AFF3: variants seen among roughly 807,000 people sequenced by gnomAD.
AFF3 encodes ALF transcription elongation factor 3.
Under a neutral mutation model 129.7 loss-of-function variants are expected in AFF3, and 32 were observed. The observed-to-expected ratio is 0.25, with a 90% CI of 0.19 to 0.33. The LOEUF (loss-of-function observed/expected upper bound fraction) is 0.33. AFF3 is among the 10% of genes least tolerant of loss of function. The pLI, the probability that AFF3 is intolerant of heterozygous loss-of-function variation, is 1.00. For missense variants in AFF3, 1,373 were observed against 1,592.0 expected, an observed-to-expected ratio of 0.86 and a Z score of 2.34; for synonymous variants, 644 against 635.4, an observed-to-expected ratio of 1.01 and a Z score of -0.20.
chr2:100,141,456 T>A (rs1692869187), intron 1 of AFF3, among the ~76,000 whole-genome samples: 1 of 152,236 alleles, frequency 6.6e-6, no homozygotes, highest in Non-Finnish European at 1.5e-5. Context: ...TAGAACATTC[T>A]TAAATTTTGC....
chr2:99,714,382 G>A (rs940280423), intron 11 of AFF3, among the ~76,000 whole-genome samples: 5 of 152,166 alleles, frequency 3.3e-5, no homozygotes, highest in African/African-American at 7.2e-5. Flanking sequence ...AACTTGAAGA[G>A]GCCCTTTCTA....
intron 4 of AFF3, among the ~76,000 whole-genome samples, chr2:100,032,140 A>G (rs1684541676): frequency 6.6e-6 from 1 of 152,154 alleles, no homozygotes; most frequent in Non-Finnish European, 1.5e-5. Context: ...AGTATGCCTG[A>G]GAGAGGCCAG....
intron 5 of AFF3, 61 bp downstream of exon 5, chr2:100,008,751 C>T: frequency 6.4e-7 from 1 of 1,573,042 alleles, no homozygotes. Context: ...GTCAAGGCCA[C>T]CGTCACAGGG....
At chr2:99,640,614 G>GT (rs34851835) in intron 13 of AFF3, among the ~76,000 whole-genome samples, 26,220 of 147,008 alleles carry the variant, frequency 0.18, 2,517 homozygotes, top group South Asian at 0.29. Context: ...GGGCCAGAGG[G>GT]TTTTTTTTTT....
chr2:99,674,462 A>C (rs547157718), intron 11 of AFF3, among the ~76,000 whole-genome samples: 2 of 152,268 alleles, frequency 1.3e-5, no homozygotes, highest in South Asian at 2.1e-4. Flanking sequence ...TCCTACCCAA[A>C]GGCACAGATT....
At chr2:99,916,278 C>G (rs1211183965) in intron 7 of AFF3, among the ~76,000 whole-genome samples, 2 of 152,170 alleles carry the variant, frequency 1.3e-5, no homozygotes, top group Non-Finnish European at 2.9e-5. Context: ...TCCCTCCCGT[C>G]CTGCCTGGAC....
chr2:100,024,356 C>T (rs1683861991), intron 4 of AFF3, among the ~76,000 whole-genome samples: 1 of 151,562 alleles, frequency 6.6e-6, no homozygotes, highest in African/African-American at 2.4e-5. Flanking sequence ...GGGTGGATCA[C>T]CTGAGGTCGG....
intron 11 of AFF3, among the ~76,000 whole-genome samples, chr2:99,721,710 T>C (rs1440798217): frequency 6.6e-6 from 1 of 152,190 alleles, no homozygotes; most frequent in Non-Finnish European, 1.5e-5. Flanking sequence ...GTCTTAAAGA[T>C]TTTCTTTTTC....
At chr2:99,932,051 T>C (rs1462954371) in intron 7 of AFF3, among the ~76,000 whole-genome samples, 1 of 152,182 alleles carries the variant, frequency 6.6e-6, no homozygotes, top group Non-Finnish European at 1.5e-5. Context: ...ACTAGGTGCA[T>C]TTACCTTCCT....
At chr2:99,956,066 T>G (rs1676611628) in intron 7 of AFF3, among the ~76,000 whole-genome samples, 1 of 151,428 alleles carries the variant, frequency 6.6e-6, no homozygotes, top group Admixed American at 6.6e-5. Context: ...GAGAACTGTG[T>G]GTGGAGAACA....
intron 8 of AFF3, among the ~76,000 whole-genome samples, chr2:99,757,904 G>T (rs1682255226): frequency 2.0e-5 from 3 of 152,090 alleles, no homozygotes; most frequent in Admixed American, 2.0e-4. Flanking sequence ...CCACGTACAG[G>T]TCTCTTTTAG....
At chr2:99,556,148 G>A (rs1421783951) in intron 22 of AFF3, among the ~76,000 whole-genome samples, 1 of 152,190 alleles carries the variant, frequency 6.6e-6, no homozygotes, top group African/African-American at 2.4e-5. Flanking sequence ...GTCCAGTAAA[G>A]GCTACTGAAT....
intron 7 of AFF3, among the ~76,000 whole-genome samples, chr2:99,932,682 G>C (rs980068597): frequency 1.3e-5 from 2 of 152,196 alleles, no homozygotes; most frequent in African/African-American, 4.8e-5. Context: ...TAGAAACCCG[G>C]AGTGTAGGGA....
chr2:99,821,410 G>C (rs1428052984), intron 8 of AFF3, among the ~76,000 whole-genome samples: 1 of 151,826 alleles, frequency 6.6e-6, no homozygotes, highest in African/African-American at 2.4e-5. Flanking sequence ...ACTGGAAGAA[G>C]AACAAAATTG....
Position 99,839,673 on chromosome 2 carries a change from G to A in AFF3, c.874-2149C>T, listed in dbSNP as rs535709658. Among the ~76,000 whole-genome samples the A allele has an allele frequency of 6.5e-4, 98 of 150,850 alleles. 2 individuals are homozygous for A. In the South Asian group the frequency reaches 0.012, roughly 18 times the overall value. On this transcript the variant is annotated intron_variant, in intron 7 of 24. Transcript: ENST00000672756. ...GTCACCCAGGCTGGAGTGCAGTGGC[G>A]CGATATTGGCTCACTGCAAGCTCCG...
At chr2:99,579,547 C>T (rs1677327514) in intron 17 of AFF3, among the ~76,000 whole-genome samples, 1 of 151,962 alleles carries the variant, frequency 6.6e-6, no homozygotes, top group South Asian at 2.1e-4. Context: ...TGGCAAAACC[C>T]TGTCTCTACT....
chr2:99,772,593 T>C (rs1004542343), intron 8 of AFF3, among the ~76,000 whole-genome samples: 5 of 152,308 alleles, frequency 3.3e-5, no homozygotes, highest in Middle Eastern at 3.4e-3. Flanking sequence ...CTTCTGTATC[T>C]CCTCAGGAAG....
At chr2:99,944,479 C>A (rs1675365629) in intron 7 of AFF3, among the ~76,000 whole-genome samples, 1 of 152,206 alleles carries the variant, frequency 6.6e-6, no homozygotes. Context: ...TTCAGAAACA[C>A]AGAGGTTGGT....
chr2:99,548,034 C>T lies in AFF3; in HGVS notation c.*3440G>A, dbSNP rs896469051. On this transcript the variant is annotated 3_prime_UTR_variant, in exon 25 of 25. Coordinates refer to ENST00000672756, the MANE Select transcript of AFF3 (RefSeq NM_001386135.1). Reference sequence around the variant, plus strand: ...CCAGAAATCTCTGTCTTAACCAAACCTCTCTCTCCAGGCACGATTCTGCAC... The same window carrying T: ...CCAGAAATCTCTGTCTTAACCAAACTTCTCTCTCCAGGCACGATTCTGCAC... 1.4e-5 allele frequency: 3 copies of T among 210,692 alleles called. No individual in the cohort carries two copies. Among genetic ancestry groups the T allele is most frequent in the Non-Finnish European group, 2.9e-5 (3 of 103,596 alleles). The allele number at this position is 210,692 out of a possible 1,614,324, so 13.1% of individuals were successfully genotyped here.
Sources: allele counts gnomAD v4.1 joint callset (sites outside exome capture counted in the v4.1 genomes callset), GRCh38; gene constraint gnomAD v4.1.1; transcripts MANE v1.5; gene names NCBI Gene and HGNC (gene_info 2026-07-23, HGNC 2026-07-21).